Variants in TMEM108 observed in about 807,000 individuals in gnomAD.
TMEM108 encodes the protein transmembrane protein 108, also known as cancer/testis antigen 124.
TMEM108 carries 12 observed loss-of-function variants against 35.1 expected under a neutral mutation model. The observed-to-expected ratio is 0.34, with a 90% CI of 0.22 to 0.55. The LOEUF is 0.55. Ranked by LOEUF, TMEM108 falls within the 20% of genes least tolerant of loss-of-function variation. TMEM108 has a pLI of 0.89. For missense variants in TMEM108, 680 were observed against 753.3 expected (o/e 0.90, Z 1.14); for synonymous variants, 287 against 308.6 (o/e 0.93, Z 0.73).
intron 2 of TMEM108, among the ~76,000 whole-genome samples, chr3:133,106,111 G>A (rs1944148179): frequency 6.6e-6 from 1 of 151,812 alleles, no homozygotes; most frequent in South Asian, 2.1e-4. Flanking sequence ...GAAGACTGTG[G>A]GGAATATGCA....
chr3:133,061,602 A>G (rs944737923), intron 2 of TMEM108, among the ~76,000 whole-genome samples: 5 of 152,362 alleles, frequency 3.3e-5, no homozygotes, highest in Admixed American at 1.3e-4. Flanking sequence ...TAATTAAGTC[A>G]GAGTATTAAA....
chr3:133,263,484 G>A (rs944553471), intron 3 of TMEM108, among the ~76,000 whole-genome samples: 1 of 152,164 alleles, frequency 6.6e-6, no homozygotes, highest in Admixed American at 6.5e-5. Flanking sequence ...CCCCAAATCT[G>A]TGAACACTGT....
At position 133,380,389 on chromosome 3, in the gene TMEM108, G is replaced by T. The variant is rs149160063; in HGVS notation, c.678G>T (p.Gly226=). 1.1e-3 allele frequency: 1,796 copies of T among 1,613,718 alleles called. 6 individuals are homozygous for T. The highest frequency in any genetic ancestry group is 2.3e-3 in the Middle Eastern group (14 of 6,062). The change falls in exon 4 of 6, where the codon GGG becomes GGT. Residue 226 remains glycine (G), a synonymous_variant. Transcript: ENST00000321871. The surrounding 1 kb of genome is among the most constrained non-coding windows in gnomAD (Gnocchi z 5.3). The stretch of plus-strand genomic sequence containing the variant: ...AGATCTACAAGGGCAACTTCACAGG[G>T]TCTGTGGAACCGGAGCCCTCTACCC... ...IFQIYKGNFT[G]SVEPEPSTLT... is the part of the protein sequence containing the mutation.
intron 3 of TMEM108, among the ~76,000 whole-genome samples, chr3:133,351,150 G>C (rs990220144): frequency 6.6e-6 from 1 of 152,158 alleles, no homozygotes; most frequent in Non-Finnish European, 1.5e-5. Context: ...TGCCTATGAG[G>C]ACTGGCCTTT....
At chr3:133,222,029 A>G (rs916552462) in intron 2 of TMEM108, among the ~76,000 whole-genome samples, 3 of 152,206 alleles carry the variant, frequency 2.0e-5, no homozygotes, top group African/African-American at 4.8e-5. Flanking sequence ...TTATGCTTTC[A>G]TATGTTTTCT....
chr3:133,270,778 G>A (rs1946759102), intron 3 of TMEM108, among the ~76,000 whole-genome samples: 1 of 147,470 alleles, frequency 6.8e-6, no homozygotes, highest in African/African-American at 2.5e-5. Context: ...TTATAAGACT[G>A]CCTGTTCGAA....
At chr3:133,048,506 C>T (rs1276460530) in intron 2 of TMEM108, among the ~76,000 whole-genome samples, 1 of 152,136 alleles carries the variant, frequency 6.6e-6, no homozygotes, top group African/African-American at 2.4e-5. Context: ...CTGACCTAGA[C>T]CTGAAGTGTA....
intron 2 of TMEM108, among the ~76,000 whole-genome samples, chr3:133,099,050 A>G (rs1944052999): frequency 1.3e-5 from 2 of 152,188 alleles, no homozygotes; most frequent in Admixed American, 1.3e-4. Flanking sequence ...AAGGTTCTCC[A>G]TGAGGGCCCC....
At chr3:133,166,997 A>T (rs1401266785) in intron 2 of TMEM108, among the ~76,000 whole-genome samples, 1 of 152,120 alleles carries the variant, frequency 6.6e-6, no homozygotes, top group Admixed American at 6.5e-5. Context: ...AGCTAGACAT[A>T]AAAGTTCTCC....
At chr3:133,243,682 G>A (rs1021539978) in intron 3 of TMEM108, among the ~76,000 whole-genome samples, 12 of 152,034 alleles carry the variant, frequency 7.9e-5, no homozygotes, top group African/African-American at 2.2e-4. Flanking sequence ...CACCACGCCC[G>A]GCTAATTTTT....
chr3:133,173,390 C>A (rs560826746), intron 2 of TMEM108, among the ~76,000 whole-genome samples: 1 of 152,292 alleles, frequency 6.6e-6, no homozygotes, highest in South Asian at 2.1e-4. Context: ...TCTACACAAA[C>A]CAAGATTCAG....
At position 133,395,876 on chromosome 3, in the gene TMEM108, G is replaced by A; in HGVS notation, c.1618G>A (p.Glu540Lys). The change falls in exon 6 of 6, where the codon GAG (glutamate) becomes AAG (lysine). Residue 540 changes from glutamate (E) to lysine (K), a missense_variant. By Grantham distance (56) the Glu-to-Lys change is moderately conservative. Coordinates refer to ENST00000321871, the MANE Select transcript of TMEM108 (RefSeq NM_023943.4). ...SLETSEDQLS[E>K]PRSPANGDYR... ...TCTCTCTTCCCAGGACCAGCTCTCA[G>A]AGCCCCGCTCCCCAGCCAATGGCGA... 6.3e-7 allele frequency: 1 copy of A among 1,586,208 alleles called. No homozygotes were observed. Among genetic ancestry groups the A allele is most frequent in the Non-Finnish European group, 8.6e-7 (1 of 1,166,900 alleles).
At chr3:133,078,509 G>A (rs980482723) in intron 2 of TMEM108, among the ~76,000 whole-genome samples, 18 of 152,092 alleles carry the variant, frequency 1.2e-4, no homozygotes, top group Non-Finnish European at 2.2e-4. Flanking sequence ...GCTTGGAGGG[G>A]TCCAAGAAAA....
chr3:133,184,652 G>A (rs1315557463), intron 2 of TMEM108, among the ~76,000 whole-genome samples: 2 of 151,922 alleles, frequency 1.3e-5, no homozygotes, highest in Admixed American at 1.3e-4. Context: ...TTCTCATTTG[G>A]CAGTATTTTT....
intron 2 of TMEM108, among the ~76,000 whole-genome samples, chr3:133,114,167 G>T (rs1944259064): frequency 6.6e-6 from 1 of 152,116 alleles, no homozygotes; most frequent in Non-Finnish European, 1.5e-5. Flanking sequence ...AAAGAGATGA[G>T]CCACTATTAG....
intron 3 of TMEM108, among the ~76,000 whole-genome samples, chr3:133,271,853 G>A (rs1207296965): frequency 6.6e-6 from 1 of 152,112 alleles, no homozygotes; most frequent in African/African-American, 2.4e-5. Flanking sequence ...TCTCTACTAT[G>A]TTTCAGCCTC....
At chr3:133,107,455 GGTGTGT>G (rs59305794) in intron 2 of TMEM108, among the ~76,000 whole-genome samples, 16,492 of 143,532 alleles carry the variant, frequency 0.11, 1,050 homozygotes, top group East Asian at 0.16. Flanking sequence ...AAGTGTATGT[GGTGTGT>G]GTGTGTGTGT....
chr3:133,146,911 G>C (rs776925137), intron 2 of TMEM108, among the ~76,000 whole-genome samples: 53 of 152,004 alleles, frequency 3.5e-4, no homozygotes, highest in Non-Finnish European at 5.1e-4. Context: ...GAAAAAACCA[G>C]CTCCTGGATT....
intron 3 of TMEM108, among the ~76,000 whole-genome samples, chr3:133,341,421 G>A (rs1112794): frequency 0.34 from 50,920 of 151,556 alleles, 8,983 homozygotes; most frequent in East Asian, 0.48. Flanking sequence ...AAGATATACC[G>A]TGTCTATGGA....
Sources: gnomAD v4.1 joint callset for allele counts (sites outside exome capture counted in the v4.1 genomes callset) on GRCh38, gnomAD v4.1.1 for gene constraint, Gnocchi (gnomAD v3.1) non-coding constraint, MANE v1.5 for transcripts, NCBI Gene and HGNC (gene_info 2026-07-23, HGNC 2026-07-21) for gene names.